The following SSC4D variants were observed in gnomAD, a reference collection of about 807,000 sequenced individuals.
SSC4D encodes the protein scavenger receptor cysteine rich family member with 4 domains.
SSC4D carries 57 observed loss-of-function variants against 63.4 expected under a neutral mutation model. That is an observed-to-expected ratio of 0.90 (90% CI 0.73 to 1.12). The LOEUF is 1.12. SSC4D is among the 50% of genes most tolerant of loss of function. The pLI, the probability that SSC4D is intolerant of heterozygous loss-of-function variation, is 0.00. For missense variants in SSC4D, 791 were observed against 806.4 expected, an observed-to-expected ratio of 0.98 and a Z score of 0.23; for synonymous variants, 352 against 345.4, an observed-to-expected ratio of 1.02 and a Z score of -0.21.
rs1804934920 is a variant in SSC4D, at chr7:76,404,465, G to T, written c.-26C>A. On this transcript the variant is annotated 5_prime_UTR_variant, in exon 2 of 11. Coordinates refer to ENST00000275560, the MANE Select transcript of SSC4D (RefSeq NM_080744.2). ...CTAGATGGTGAAGGGTGTTTCAGAT[G>T]CTCCCATCAAGGCGCCAGGGAGAAG... is the stretch of plus-strand genomic sequence containing the variant. The T allele has an allele frequency of 6.2e-7, 1 of 1,613,824 alleles. No individual in the cohort carries two copies. Among genetic ancestry groups the T allele is most frequent in the East Asian group, 2.2e-5 (1 of 44,864 alleles).
chr7:76,405,502 G>C (rs1804997037), intron 1 of SSC4D, among the ~76,000 whole-genome samples: 2 of 150,036 alleles, frequency 1.3e-5, no homozygotes, highest in Non-Finnish European at 3.0e-5. Context: ...TTTTTTATGA[G>C]TCGGGTATGG....
chr7:76,405,830 C>G (rs1805008158), intron 1 of SSC4D, among the ~76,000 whole-genome samples: 1 of 152,058 alleles, frequency 6.6e-6, no homozygotes, highest in South Asian at 2.1e-4. Context: ...ATGACCAGCC[C>G]AAGGACTCAG....
chr7:76,407,115 C>T (rs954305869), intron 1 of SSC4D, among the ~76,000 whole-genome samples: 3 of 152,092 alleles, frequency 2.0e-5, no homozygotes, highest in Non-Finnish European at 4.4e-5. Context: ...CATGTGCCAC[C>T]ATACTCGGCT....
At chr7:76,409,329 A>ATGT (rs879336374) in intron 1 of SSC4D, 85 bp downstream of exon 1, 628 of 47,250 alleles carry the variant, frequency 0.013, 5 homozygotes, top group African/African-American at 0.04. Context: ...TGTCTCACAC[A>ATGT]CACACACACA....
chr7:76,402,985 C>T (rs1563685637), intron 2 of SSC4D, among the ~76,000 whole-genome samples: 2 of 152,116 alleles, frequency 1.3e-5, no homozygotes, highest in Non-Finnish European at 2.9e-5. Flanking sequence ...TTTCTTTAGG[C>T]GAACTCAGTT....
At chr7:76,396,788 T>C (rs1804650773) in intron 6 of SSC4D, among the ~76,000 whole-genome samples, 1 of 152,178 alleles carries the variant, frequency 6.6e-6, no homozygotes, top group East Asian at 1.9e-4. Flanking sequence ...TGAAATAGCA[T>C]TATTGGCCCT....
At chr7:76,400,977 A>C in intron 3 of SSC4D, 31 bp downstream of exon 3, 5 of 1,550,910 alleles carry the variant, frequency 3.2e-6, no homozygotes, top group Non-Finnish European at 4.4e-6. Flanking sequence ...CGGACAGGTG[A>C]GGGTGAGGAA....
intron 10 of SSC4D, 105 bp downstream of exon 10, chr7:76,391,859 G>T (rs1584015108): frequency 1.7e-6 from 2 of 1,155,796 alleles, no homozygotes; most frequent in Non-Finnish European, 1.3e-6. Context: ...TCCAGGTCCC[G>T]GTGTGAATCT....
chr7:76,405,541 G>A (rs1191273251), intron 1 of SSC4D, among the ~76,000 whole-genome samples: 6 of 150,648 alleles, frequency 4.0e-5, no homozygotes, highest in Admixed American at 3.3e-4. Flanking sequence ...GCAGCTAATG[G>A]GGAGGCTGAG....
At chr7:76,407,681 C>T (rs2115821267) in intron 1 of SSC4D, among the ~76,000 whole-genome samples, 1 of 152,176 alleles carries the variant, frequency 6.6e-6, no homozygotes, top group South Asian at 2.1e-4. Flanking sequence ...TGCAGTTAGC[C>T]ATGATCATGC....
chr7:76,401,085 C>T (rs1432393022), intron 2 of SSC4D, 42 bp from the exon 3 acceptor site: 53 of 1,505,846 alleles, frequency 3.5e-5, no homozygotes, highest in Non-Finnish European at 4.3e-5. Flanking sequence ...TCTGCCCACA[C>T]CATGGCTCCC....
intron 1 of SSC4D, among the ~76,000 whole-genome samples, chr7:76,407,119 C>G (rs984366103): frequency 1.3e-5 from 2 of 152,074 alleles, no homozygotes; most frequent in Middle Eastern, 3.2e-3. Flanking sequence ...TGCCACCATA[C>G]TCGGCTAATT....
In SSC4D at chr7:76,405,274, TATATATATATA is replaced by T. The variant is rs1563686785; in HGVS notation, c.-66-780_-66-770del. ...GTGCATCACCACACCCAGCTAATTATATATATATATATATATATATATATATATATATATAT... is the reference window on the plus strand; with the variant it reads ...GTGCATCACCACACCCAGCTAATTATTATATATATATATATATATATATAT... On this transcript the variant is annotated intron_variant, in intron 1 of 10. Coordinates refer to ENST00000275560, the MANE Select transcript of SSC4D (RefSeq NM_080744.2). Among the ~76,000 whole-genome samples the T allele has an allele frequency of 6.9e-3, 147 of 21,246 alleles. 8 individuals carry two copies. The highest frequency in any genetic ancestry group is 0.042 in the African/African-American group (133 of 3,140). 13.9% of individuals were successfully genotyped at this position (21,246 alleles called of 152,430 possible). A position where few individuals can be genotyped will look rare whatever the true frequency, so the allele number is the denominator to read the frequency against.
chr7:76,395,693 C>T (rs1804620585), intron 6 of SSC4D, among the ~76,000 whole-genome samples: 1 of 149,076 alleles, frequency 6.7e-6, no homozygotes, highest in Admixed American at 6.6e-5. Flanking sequence ...CATTATCCTC[C>T]TCTTTTCTTT....
intron 9 of SSC4D, among the ~76,000 whole-genome samples, chr7:76,392,347 G>C (rs544643613): frequency 6.6e-6 from 1 of 151,964 alleles, no homozygotes; most frequent in African/African-American, 2.4e-5. Context: ...TCAGGAGTTC[G>C]TAGACCAGCC....
Position 76,390,258 on chromosome 7 carries a change from A to G in SSC4D, c.1529T>C (p.Leu510Pro), listed in dbSNP as rs1201323848. 2.5e-6 allele frequency: 4 copies of G among 1,613,884 alleles called. No homozygotes were observed. The highest frequency in any genetic ancestry group is 1.3e-5 in the African/African-American group (1 of 74,954). ...DAWDLRAAGV[L>P]CRQLGCGQAL... ...CTGGCCACAGCCCAGCTGGCGGCAC[A>G]GGACACCGGCTGCCCGCAGGTCCCA... is the stretch of plus-strand genomic sequence containing the variant. The change falls in exon 11 of 11, where the codon CTG (leucine) becomes CCG (proline). Residue 510 changes from leucine to proline, a missense_variant. Physicochemically the swap from Leu to Pro is moderately conservative, Grantham distance 98. Transcript: ENST00000275560.
Position 76,400,572 on chromosome 7 carries a change from G to T in SSC4D, c.189C>A (p.Gly63=), listed in dbSNP as rs1043740591. ...CCAGGCGGCCCCGGCAGCGGCTGGGGCCCCCCACCAGCCTCAGCTCTGTGA... is the reference window on the plus strand; with the variant it reads ...CCAGGCGGCCCCGGCAGCGGCTGGGTCCCCCCACCAGCCTCAGCTCTGTGA... The part of the protein sequence containing the change: ...LPFQELRLVG[G]PSRCRGRLEV... Residue 63 remains glycine, a synonymous_variant, in exon 4 of 11, where the codon GGC becomes GGA. Coordinates refer to ENST00000275560, the MANE Select transcript of SSC4D (RefSeq NM_080744.2). 1.9e-5 allele frequency: 28 copies of T among 1,484,130 alleles called. No homozygotes were observed. In the African/African-American group the frequency reaches 3.4e-4, roughly 18 times the overall value. The allele number at this position is 1,484,130 out of a possible 1,614,324, so 91.9% of individuals were successfully genotyped here.
chr7:76,408,886 C>T (rs1805133438), intron 1 of SSC4D, among the ~76,000 whole-genome samples: 1 of 152,180 alleles, frequency 6.6e-6, no homozygotes, highest in Non-Finnish European at 1.5e-5. Flanking sequence ...CAGCCTAACA[C>T]AGCGGTTCAT....
rs763951008 is a variant in SSC4D at position 76,398,751 on chromosome 7, T to C, written c.522A>G (p.Arg174=). 14 of 1,613,620 alleles carry C rather than the reference T, an allele frequency of 8.7e-6. No individual in the cohort carries two copies. The highest frequency in any genetic ancestry group is 1.2e-5 in the Non-Finnish European group (14 of 1,179,640). ...CATTCGGCAGTGTCGTAGGAGGTGC[T>C]CTACTGGTTAACATCTTCCTTGTTG... ...QPPTRKMLTS[R]APPTTLPNGK... is the part of the protein sequence containing the mutation. The change falls in exon 5 of 11, where the codon AGA becomes AGG. Residue 174 remains arginine (R), a synonymous_variant. Transcript: ENST00000275560.
Sources: gnomAD v4.1 joint callset for allele counts (sites outside exome capture counted in the v4.1 genomes callset) on GRCh38, gnomAD v4.1.1 for gene constraint, MANE v1.5 for transcripts, NCBI Gene and HGNC (gene_info 2026-07-23, HGNC 2026-07-21) for gene names.